The following IL19 variants were observed in gnomAD, a reference collection of about 807,000 sequenced individuals.
IL19 encodes the protein interleukin-19.
Under a neutral mutation model 19.5 loss-of-function variants are expected in IL19, and 15 were observed. The ratio of observed to expected loss-of-function variants is 0.77; its 90% CI spans 0.52 to 1.19. The LOEUF is 1.19. IL19 is among the 50% of genes most tolerant of loss of function. The probability of loss-of-function intolerance (pLI) is 0.00; values close to 1 mark genes in which losing one functional copy is unlikely to be tolerated. For missense variants in IL19, 199 were observed against 213.1 expected (o/e 0.93, Z 0.41); for synonymous variants, 78 against 78.3 (o/e 1.00, Z 0.02).
intron 2 of IL19, among the ~76,000 whole-genome samples, chr1:206,827,523 T>C (rs2102478990): frequency 6.6e-6 from 1 of 152,090 alleles, no homozygotes; most frequent in East Asian, 1.9e-4. Context: ...ACCCCGTCTC[T>C]ACTAAAAATA....
rs1168759786 is a variant in IL19, at chr1:206,842,651, G to A, written c.*29G>A. ...CAAGGAACCTGTATAGTGATCCAGG[G>A]ATGAACACCCCCTGTGCGGTTTACT... On this transcript the variant is annotated 3_prime_UTR_variant, in exon 7 of 7. Transcript: ENST00000659997. 7.5e-7 allele frequency: 1 copy of A among 1,326,086 alleles called. No individual in the cohort carries two copies. Among genetic ancestry groups the A allele is most frequent in the Non-Finnish European group, 1.1e-6 (1 of 940,596 alleles). 82.1% of individuals were successfully genotyped at this position (1,326,086 alleles called of 1,614,324 possible). A position where few individuals can be genotyped will look rare whatever the true frequency, so the allele number is the denominator to read the frequency against.
chr1:206,790,019 A>G (rs1289053579), intron 1 of IL19, among the ~76,000 whole-genome samples: 1 of 152,172 alleles, frequency 6.6e-6, no homozygotes, highest in Non-Finnish European at 1.5e-5. Flanking sequence ...TTTTTGATAT[A>G]TATAGTGACT....
chr1:206,823,193 G>C (rs1676334446), intron 2 of IL19, among the ~76,000 whole-genome samples: 1 of 151,946 alleles, frequency 6.6e-6, no homozygotes, highest in Non-Finnish European at 1.5e-5. Context: ...GCATCCCAAA[G>C]TGCTGGGAGG....
At chr1:206,829,215 A>C (rs899455448) in intron 2 of IL19, 1 of 152,194 alleles carries the variant, frequency 6.6e-6, no homozygotes, top group African/African-American at 2.4e-5. Context: ...CAGATTTAGC[A>C]AATACAAATA....
Position 206,833,562 on chromosome 1 carries a change from C to A in IL19, c.-2-3099C>A, listed in dbSNP as rs1279573854. ...TGGGAAGAAACTGTTTATACCCTAT[C>A]TTTTCATTGCCCCAAACCTGATCCC... is the stretch of plus-strand genomic sequence containing the variant. On this transcript the variant is annotated intron_variant, in intron 2 of 6. Coordinates refer to ENST00000659997, the MANE Select transcript of IL19 (RefSeq NM_153758.5). 5.1e-6 allele frequency: 3 copies of A among 587,104 alleles called. No homozygotes were observed. The African/African-American group carries it at 6.1e-5, about 12-fold the overall frequency. 36.4% of individuals were successfully genotyped at this position (587,104 alleles called of 1,614,324 possible). A position where few individuals can be genotyped will look rare whatever the true frequency, so the allele number is the denominator to read the frequency against.
At chr1:206,779,128 G>A (rs554555499) in intron 1 of IL19, among the ~76,000 whole-genome samples, 7 of 152,294 alleles carry the variant, frequency 4.6e-5, no homozygotes, top group South Asian at 2.1e-4. Flanking sequence ...AAAATCCCTC[G>A]TGGCTTGGAT....
At chr1:206,798,785 C>T (rs1405882150) in intron 1 of IL19, 76 bp from the exon 2 acceptor site, 15 of 750,788 alleles carry the variant, frequency 2.0e-5, no homozygotes, top group Admixed American at 5.7e-5. Flanking sequence ...GCACTTTTGC[C>T]GACCTCAAAG....
At chr1:206,788,054 G>C (rs1440087265) in intron 1 of IL19, among the ~76,000 whole-genome samples, 2 of 152,184 alleles carry the variant, frequency 1.3e-5, no homozygotes, top group Non-Finnish European at 2.9e-5. Context: ...CCTTCCTTGT[G>C]ACATGGTTGG....
At chr1:206,797,553 G>A (rs1420282913) in intron 1 of IL19, among the ~76,000 whole-genome samples, 3 of 152,098 alleles carry the variant, frequency 2.0e-5, no homozygotes, top group Non-Finnish European at 1.5e-5. Context: ...ATTGGGAATG[G>A]GCAGGTGTCT....
chr1:206,814,690 T>TCACA (rs34474731), intron 2 of IL19, among the ~76,000 whole-genome samples: 27,700 of 140,262 alleles, frequency 0.2, 2,775 homozygotes, highest in East Asian at 0.4. Context: ...TGAAACTCTG[T>TCACA]CACACACACA....
chr1:206,804,373 C>A (rs1391734980), intron 2 of IL19, among the ~76,000 whole-genome samples: 1 of 152,192 alleles, frequency 6.6e-6, no homozygotes, highest in African/African-American at 2.4e-5. Context: ...ATAACCTTTT[C>A]AAATTGTTGT....
intron 2 of IL19, among the ~76,000 whole-genome samples, chr1:206,814,236 C>T (rs1305247673): frequency 9.9e-5 from 15 of 151,878 alleles, no homozygotes; most frequent in South Asian, 4.2e-4. Flanking sequence ...TAAGTTTGAA[C>T]GGCAATTATG....
At chr1:206,771,532 C>CA (rs1009464908) in intron 1 of IL19, 21 of 801,662 alleles carry the variant, frequency 2.6e-5, no homozygotes, top group Non-Finnish European at 2.7e-5. Context: ...GGCTCTGGCC[C>CA]AAAAAAATCA....
At chr1:206,788,513 C>T (rs918001649) in intron 1 of IL19, among the ~76,000 whole-genome samples, 27 of 118,448 alleles carry the variant, frequency 2.3e-4, no homozygotes, top group Admixed American at 1.5e-3. Flanking sequence ...AATAATGTGA[C>T]GCTAATAATT....
At chr1:206,781,995 TGTTATATATACATATATATGTATATA>T (rs1553438241) in intron 1 of IL19, among the ~76,000 whole-genome samples, 53 of 32,758 alleles carry the variant, frequency 1.6e-3, no homozygotes, top group South Asian at 0.014. Flanking sequence ...TATATGTATA[TGTTATATATACATATATATGTATATA>T]GTTATATATA....
At chr1:206,819,777 T>C (rs1355299272) in intron 2 of IL19, among the ~76,000 whole-genome samples, 1 of 152,216 alleles carries the variant, frequency 6.6e-6, no homozygotes, top group African/African-American at 2.4e-5. Flanking sequence ...CTTAGATCTT[T>C]CACTGGCCGC....
Position 206,798,930 on chromosome 1 carries a change from G to A in IL19, c.-79G>A, listed in dbSNP as rs144004857. 5.0e-4 allele frequency: 810 copies of A among 1,613,848 alleles called. 1 individual carries two copies. The African/African-American group carries it at 5.7e-3, about 11-fold the overall frequency. ...AGGGAGCGTTTCCGCACAGATCTGC[G>A]TGTTCCTTACCACTCACACATGTGC... On this transcript the variant is annotated 5_prime_UTR_variant, in exon 2 of 7. It adds an upstream start codon to the 5' untranslated region. Transcript: ENST00000659997.
At chr1:206,816,327 T>C (rs1285476147) in intron 2 of IL19, among the ~76,000 whole-genome samples, 1 of 152,188 alleles carries the variant, frequency 6.6e-6, no homozygotes, top group Non-Finnish European at 1.5e-5. Context: ...TAATGTACTT[T>C]GGAATTTATA....
intron 2 of IL19, among the ~76,000 whole-genome samples, chr1:206,806,472 C>A (rs1675848743): frequency 6.6e-6 from 1 of 152,140 alleles, no homozygotes; most frequent in Non-Finnish European, 1.5e-5. Context: ...GATTTATTTT[C>A]CATAACTCTA....
Sources: gnomAD v4.1 joint callset for allele counts (sites outside exome capture counted in the v4.1 genomes callset) on GRCh38, gnomAD v4.1.1 for gene constraint, MANE v1.5 for transcripts, NCBI Gene and HGNC (gene_info 2026-07-23, HGNC 2026-07-21) for gene names.